Variants in ANKRD31 observed in about 807,000 individuals in gnomAD.
The protein encoded by ANKRD31 is ankyrin repeat domain 31, also known as ankyrin repeat domain-containing protein 31.
A neutral mutation model predicts 186.0 loss-of-function variants in ANKRD31; 147 were observed. The observed-to-expected ratio is 0.79, with a 90% confidence interval of 0.69 to 0.91. The LOEUF (loss-of-function observed/expected upper bound fraction) is 0.91, where lower values mean the gene tolerates loss of function less well. Ranked by LOEUF, ANKRD31 falls within the 40% of genes least tolerant of loss-of-function variation. The pLI, the probability that ANKRD31 is intolerant of heterozygous loss-of-function variation, is 0.00. For synonymous variants in ANKRD31, 673 were observed against 736.4 expected, an observed-to-expected ratio of 0.91 and a Z score of 1.39; for missense variants, 1,986 against 2,148.8, an observed-to-expected ratio of 0.92 and a Z score of 1.50.
chr5:75,079,274 T>C (rs1334854399), intron 25 of ANKRD31, among the ~76,000 whole-genome samples: 2 of 152,252 alleles, frequency 1.3e-5, no homozygotes, highest in Admixed American at 6.5e-5. Flanking sequence ...TCCGAAATGA[T>C]ATGTAAACAG....
chr5:75,199,740 G>A, intron 5 of ANKRD31, 66 bp from the exon 6 acceptor site: 1 of 1,285,872 alleles, frequency 7.8e-7, no homozygotes, highest in Non-Finnish European at 1.1e-6. Context: ...CTTCTCAGTT[G>A]ACATTTCATA....
intron 23 of ANKRD31, among the ~76,000 whole-genome samples, chr5:75,090,983 G>A (rs931098666): frequency 7.2e-5 from 11 of 152,186 alleles, no homozygotes; most frequent in Non-Finnish European, 1.5e-5. Flanking sequence ...GGCATTAAAA[G>A]TTCTGAGACT....
Position 75,104,912 on chromosome 5 carries a change from C to T in ANKRD31, c.4647G>A (p.Trp1549Ter). The change falls in exon 22 of 26, where the codon TGG (tryptophan) becomes TGA (stop). Residue 1549 changes from tryptophan (W) to a stop codon, truncating the protein, a stop_gained. Transcript: ENST00000506364. LOFTEE classifies it high-confidence loss of function. Reference protein sequence around the residue: ...MQETQLSLETWNYSQNTNICL... With the variant: ...MQETQLSLET The stretch of plus-strand genomic sequence containing the variant: ...AAATGTTGGTATTTTGGCTGTAGTT[C>T]CAAGTTTCCAGAGACAATTGTGTTT... 1.3e-6 allele frequency: 2 copies of T among 1,537,116 alleles called. No individual in the cohort carries two copies. The highest frequency in any genetic ancestry group is 2.4e-5 in the East Asian group (1 of 40,910).
intron 17 of ANKRD31, among the ~76,000 whole-genome samples, chr5:75,121,335 A>G (rs964809213): frequency 6.6e-6 from 1 of 152,210 alleles, no homozygotes; most frequent in African/African-American, 2.4e-5. Context: ...CTAAAGAAAG[A>G]TACAGATAGC....
At chr5:75,228,540 T>C (rs570307513) in intron 2 of ANKRD31, among the ~76,000 whole-genome samples, 7 of 150,318 alleles carry the variant, frequency 4.7e-5, no homozygotes, top group Non-Finnish European at 8.8e-5. Flanking sequence ...TAAATAAATA[T>C]AGACAAGGAA....
At chr5:75,201,721 A>T (rs904649632) in intron 5 of ANKRD31, among the ~76,000 whole-genome samples, 1 of 152,186 alleles carries the variant, frequency 6.6e-6, no homozygotes. Flanking sequence ...GAAGGGAAGA[A>T]AGGGTCACAC....
intron 24 of ANKRD31, among the ~76,000 whole-genome samples, chr5:75,081,292 G>C (rs780290645): frequency 1.8e-4 from 27 of 151,792 alleles, no homozygotes; most frequent in Non-Finnish European, 3.8e-4. Flanking sequence ...TTTTAAGACA[G>C]AGCTTCGCTC....
intron 25 of ANKRD31, among the ~76,000 whole-genome samples, chr5:75,079,298 G>C (rs555627226): frequency 3.3e-5 from 5 of 152,216 alleles, no homozygotes; most frequent in African/African-American, 7.2e-5. Context: ...GGATATTGAG[G>C]CTTCTGCTAT....
At chr5:75,228,285 C>T (rs2150317584) in intron 2 of ANKRD31, among the ~76,000 whole-genome samples, 1 of 152,256 alleles carries the variant, frequency 6.6e-6, no homozygotes, top group Middle Eastern at 3.4e-3. Context: ...CAAAAAATAA[C>T]AACATAAAAA....
At chr5:75,161,830 C>G (rs1182390184) in intron 11 of ANKRD31, among the ~76,000 whole-genome samples, 1 of 152,232 alleles carries the variant, frequency 6.6e-6, no homozygotes, top group Non-Finnish European at 1.5e-5. Context: ...TCAGAGGGTT[C>G]AAGCCCCTAA....
At chr5:75,142,589 T>C (rs997013670) in intron 15 of ANKRD31, among the ~76,000 whole-genome samples, 8 of 152,136 alleles carry the variant, frequency 5.3e-5, no homozygotes, top group Admixed American at 5.2e-4. Flanking sequence ...TTAGTTTACT[T>C]TGATATCTTT....
At chr5:75,167,107 T>A (rs1022320324) in intron 11 of ANKRD31, among the ~76,000 whole-genome samples, 1 of 151,934 alleles carries the variant, frequency 6.6e-6, no homozygotes, top group Non-Finnish European at 1.5e-5. Flanking sequence ...AGACCCCCCA[T>A]CTCTAATCTG....
At chr5:75,192,594 G>T in intron 9 of ANKRD31, 73 bp downstream of exon 9, 2 of 1,203,496 alleles carry the variant, frequency 1.7e-6, no homozygotes, top group Non-Finnish European at 1.2e-6. Flanking sequence ...AGTTGAGAAA[G>T]ATAATCTCTG....
intron 22 of ANKRD31, among the ~76,000 whole-genome samples, chr5:75,099,008 C>T (rs1407117103): frequency 6.6e-6 from 1 of 152,120 alleles, no homozygotes; most frequent in Non-Finnish European, 1.5e-5. Flanking sequence ...TGTCTTGTGC[C>T]AGTTTTCAAA....
intron 23 of ANKRD31, among the ~76,000 whole-genome samples, chr5:75,089,749 T>C (rs909904457): frequency 2.6e-5 from 4 of 152,252 alleles, no homozygotes; most frequent in African/African-American, 9.6e-5. Flanking sequence ...GAATATTTTA[T>C]ATCTGATAAT....
intron 17 of ANKRD31, among the ~76,000 whole-genome samples, chr5:75,126,872 TC>T (rs945669988): frequency 6.6e-6 from 1 of 152,158 alleles, no homozygotes; most frequent in Non-Finnish European, 1.5e-5. Context: ...GGATTTCAAT[TC>T]CATTTGCTGA....
chr5:75,138,812 A>G, intron 16 of ANKRD31, 34 bp downstream of exon 16: 1 of 1,527,292 alleles, frequency 6.5e-7, no homozygotes, highest in South Asian at 1.2e-5. Flanking sequence ...GTGAGTTCAA[A>G]TTATAAAGGT....
At chr5:75,074,084 A>G (rs965388232) in intron 25 of ANKRD31, among the ~76,000 whole-genome samples, 1 of 152,136 alleles carries the variant, frequency 6.6e-6, no homozygotes, top group Non-Finnish European at 1.5e-5. Flanking sequence ...ATACTTCTCA[A>G]TTTCCTATAA....
intron 25 of ANKRD31, among the ~76,000 whole-genome samples, chr5:75,079,900 C>G (rs940387860): frequency 6.6e-6 from 1 of 151,948 alleles, no homozygotes. Flanking sequence ...CTCAGGAGTT[C>G]GAGACCAGCC....
Sources: allele counts gnomAD v4.1 joint callset (sites outside exome capture counted in the v4.1 genomes callset), GRCh38; gene constraint gnomAD v4.1.1; transcripts MANE v1.5; gene names NCBI Gene and HGNC (gene_info 2026-07-23, HGNC 2026-07-21).